LARP1B: variants seen among roughly 807,000 people sequenced by gnomAD.
LARP1B encodes la-related protein 1B.
Under a neutral mutation model 114.2 loss-of-function variants are expected in LARP1B, and 76 were observed. The observed-to-expected ratio is 0.67, with a 90% CI of 0.55 to 0.81. The LOEUF (loss-of-function observed/expected upper bound fraction) is 0.81, where lower values mean the gene tolerates loss of function less well. Ranked by LOEUF, LARP1B falls within the 30% of genes least tolerant of loss-of-function variation. LARP1B has a pLI of 0.00. For missense variants in LARP1B, 1,014 were observed against 1,075.8 expected (o/e 0.94, Z 0.80); for synonymous variants, 345 against 348.0 (o/e 0.99, Z 0.10).
At chr4:128,062,109 A>G in intron 1 of LARP1B, 2 of 985,336 alleles carry the variant, frequency 2.0e-6, no homozygotes, top group Non-Finnish European at 2.4e-6. Flanking sequence ...GAAAAGCGGC[A>G]GCCGCCGCTG....
intron 12 of LARP1B, among the ~76,000 whole-genome samples, chr4:128,175,033 C>A (rs925024255): frequency 3.9e-5 from 6 of 152,022 alleles, no homozygotes; most frequent in African/African-American, 1.4e-4. Context: ...ATAATGATTT[C>A]TCTTCCCTTG....
chr4:128,108,049 G>T, intron 9 of LARP1B: 1 of 1,469,468 alleles, frequency 6.8e-7, no homozygotes, highest in Admixed American at 2.5e-5. Context: ...ACCTCTTGGT[G>T]GAGGAAGTTG....
intron 11 of LARP1B, among the ~76,000 whole-genome samples, chr4:128,127,627 A>G (rs1790079265): frequency 6.6e-6 from 1 of 152,160 alleles, no homozygotes; most frequent in South Asian, 2.1e-4. Flanking sequence ...TGAGGTCAGG[A>G]GTTGGAGACC....
At chr4:128,157,715 TAAAC>T (rs1433346886) in intron 11 of LARP1B, among the ~76,000 whole-genome samples, 4 of 152,114 alleles carry the variant, frequency 2.6e-5, no homozygotes, top group Non-Finnish European at 4.4e-5. Context: ...AGAATTAAGG[TAAAC>T]AAATAAGTGA....
At chr4:128,168,891 GT>G (rs1280738309) in intron 12 of LARP1B, among the ~76,000 whole-genome samples, 1 of 151,848 alleles carries the variant, frequency 6.6e-6, no homozygotes, top group East Asian at 1.9e-4. Flanking sequence ...GTCCACAATT[GT>G]TTATTTCTTA....
intron 12 of LARP1B, among the ~76,000 whole-genome samples, chr4:128,169,871 A>G (rs1305080112): frequency 6.6e-6 from 1 of 152,148 alleles, no homozygotes; most frequent in Non-Finnish European, 1.5e-5. Context: ...TCCTGGCCTC[A>G]AATGATCCAC....
intron 3 of LARP1B, 54 bp downstream of exon 3, chr4:128,075,047 CGACATGCAGAAT>C: frequency 8.9e-7 from 1 of 1,121,126 alleles, no homozygotes. Flanking sequence ...GTATTCATTT[CGACATGCAGAAT>C]TTTATTTTAC....
intron 11 of LARP1B, among the ~76,000 whole-genome samples, chr4:128,136,803 A>G (rs912417559): frequency 1.3e-5 from 2 of 152,264 alleles, no homozygotes. Context: ...AGGTCTCACT[A>G]TGTTGCCTGG....
rs61742805 is a variant in LARP1B, at chr4:128,069,426, T to C, written c.-77-5034T>C. 3.9e-6 allele frequency: 3 copies of C among 760,816 alleles called. No individual in the cohort carries two copies. In the Admixed American group the frequency reaches 5.1e-5, roughly 13 times the overall value. 47.1% of individuals were successfully genotyped at this position (760,816 alleles called of 1,614,324 possible). ...AGGAACTGGGTGCTTTCGGCCACCA[T>C]GGCGAACACGAATCCTATATATAAC... On this transcript the variant is annotated intron_variant, in intron 1 of 19. Transcript: ENST00000326639.
chr4:128,083,670 G>T lies in LARP1B; in HGVS notation c.358+1365G>T, dbSNP rs1396861521. On this transcript the variant is annotated intron_variant, in intron 5 of 19. Coordinates refer to ENST00000326639, the MANE Select transcript of LARP1B (RefSeq NM_018078.4). The stretch of plus-strand genomic sequence containing the variant: ...GACGGGGCGGCTGGCCAGGTGGGGG[G>T]GCTGAGCCCCCCCACCTCCCTCCCG... 1.7e-4 allele frequency among the ~76,000 whole-genome samples: 16 copies of T among 95,380 alleles called. 1 individual carries two copies. In the South Asian group the frequency reaches 4.0e-3, roughly 24 times the overall value. 62.6% of individuals were successfully genotyped at this position (95,380 alleles called of 152,430 possible). A position where few individuals can be genotyped will look rare whatever the true frequency, so the allele number is the denominator to read the frequency against.
At chr4:128,198,778 T>C (rs1043825265) in intron 15 of LARP1B, among the ~76,000 whole-genome samples, 3 of 152,140 alleles carry the variant, frequency 2.0e-5, no homozygotes. Context: ...GAAGGGACAC[T>C]TGGAAAAACA....
chr4:128,106,409 G>A (rs886875653), intron 8 of LARP1B, among the ~76,000 whole-genome samples: 4 of 152,048 alleles, frequency 2.6e-5, no homozygotes, highest in African/African-American at 9.7e-5. Context: ...ACTTTATATT[G>A]TTTTTATATT....
intron 12 of LARP1B, among the ~76,000 whole-genome samples, chr4:128,169,913 A>G (rs1742821577): frequency 6.6e-6 from 1 of 152,214 alleles, no homozygotes; most frequent in African/African-American, 2.4e-5. Flanking sequence ...CTGGGATTAC[A>G]GGCATGAGCC....
At chr4:128,176,712 C>T (rs1331594064) in intron 12 of LARP1B, among the ~76,000 whole-genome samples, 160 bp from the exon 13 acceptor site, 1 of 151,986 alleles carries the variant, frequency 6.6e-6, no homozygotes, top group Non-Finnish European at 1.5e-5. Flanking sequence ...CACTAGTATT[C>T]GATGCAGTTG....
intron 5 of LARP1B, among the ~76,000 whole-genome samples, chr4:128,085,370 T>A: frequency 6.9e-6 from 1 of 145,906 alleles, no homozygotes; most frequent in Admixed American, 6.9e-5. Flanking sequence ...TTTTTTTTTT[T>A]TTTTTTTAAA....
At chr4:128,191,215 T>C (rs1047197002) in intron 15 of LARP1B, among the ~76,000 whole-genome samples, 3 of 152,178 alleles carry the variant, frequency 2.0e-5, no homozygotes, top group African/African-American at 7.2e-5. Context: ...GAACTGTTAT[T>C]TTGTTCTTGA....
Position 128,210,715 on chromosome 4 carries a change from C to CA in LARP1B, c.*663dup, listed in dbSNP as rs1368320965. 7 of 985,202 alleles carry CA rather than the reference C, an allele frequency of 7.1e-6. No individual in the cohort carries two copies. Among genetic ancestry groups the CA allele is most frequent in the African/African-American group, 7.0e-5 (4 of 57,324 alleles). 61.0% of individuals were successfully genotyped at this position (985,202 alleles called of 1,614,324 possible). On this transcript the variant is annotated 3_prime_UTR_variant, in exon 20 of 20. Transcript: ENST00000326639. The stretch of plus-strand genomic sequence containing the variant: ...ATGCTAGGTTTTGCTTTTCTCCCCC[C>CA]AGTCATATCTCATGATTTCCACAGT...
intron 7 of LARP1B, among the ~76,000 whole-genome samples, chr4:128,091,822 C>T (rs1214189869): frequency 6.6e-6 from 1 of 152,134 alleles, no homozygotes; most frequent in African/African-American, 2.4e-5. Context: ...GTATTGAACT[C>T]CCGGCCTCAG....
At chr4:128,116,737 A>G (rs1375107655) in intron 10 of LARP1B, among the ~76,000 whole-genome samples, 1 of 152,156 alleles carries the variant, frequency 6.6e-6, no homozygotes, top group Non-Finnish European at 1.5e-5. Context: ...ATTATTTTTA[A>G]TATACTTTTA....
Sources: gnomAD v4.1 joint callset for allele counts (sites outside exome capture counted in the v4.1 genomes callset) on GRCh38, gnomAD v4.1.1 for gene constraint, MANE v1.5 for transcripts, NCBI Gene and HGNC (gene_info 2026-07-23, HGNC 2026-07-21) for gene names.